RAP1GDS1: variants seen among roughly 807,000 people sequenced by gnomAD.
RAP1GDS1 encodes RAP1, GTP-GDP dissociation stimulator 1.
Under a neutral mutation model 71.1 loss-of-function variants are expected in RAP1GDS1, and 35 were observed. The ratio of observed to expected loss-of-function variants is 0.49; its 90% confidence interval spans 0.38 to 0.65. The LOEUF (loss-of-function observed/expected upper bound fraction) is 0.65, where lower values mean the gene tolerates loss of function less well. Ranked by LOEUF, RAP1GDS1 falls within the 30% of genes least tolerant of loss-of-function variation. The probability of loss-of-function intolerance (pLI) is 0.00; values close to 1 mark genes in which losing one functional copy is unlikely to be tolerated. For synonymous variants in RAP1GDS1, 229 were observed against 243.1 expected (o/e 0.94, Z 0.54); for missense variants, 663 against 706.1 (o/e 0.94, Z 0.69).
At chr4:98,438,434 C>T (rs1315568448) in intron 14 of RAP1GDS1, among the ~76,000 whole-genome samples, 1 of 151,130 alleles carries the variant, frequency 6.6e-6, no homozygotes, top group Non-Finnish European at 1.5e-5. Flanking sequence ...TGTATTTAGA[C>T]CATTTACATT....
chr4:98,278,911 A>C (rs1724626718), intron 1 of RAP1GDS1, among the ~76,000 whole-genome samples: 1 of 152,194 alleles, frequency 6.6e-6, no homozygotes, highest in Non-Finnish European at 1.5e-5. Context: ...CATTTTAAAA[A>C]GTCATCATAG....
At chr4:98,272,841 C>G (rs1025716269) in intron 1 of RAP1GDS1, among the ~76,000 whole-genome samples, 3 of 152,076 alleles carry the variant, frequency 2.0e-5, no homozygotes, top group African/African-American at 7.2e-5. Flanking sequence ...ACAATCTGAT[C>G]GAGAAATGGT....
At chr4:98,335,269 C>G (rs767473342) in intron 2 of RAP1GDS1, among the ~76,000 whole-genome samples, 15 of 152,172 alleles carry the variant, frequency 9.9e-5, no homozygotes, top group Non-Finnish European at 1.5e-5. Context: ...CTGTGTCCAT[C>G]AGGCTACAAG....
intron 2 of RAP1GDS1, among the ~76,000 whole-genome samples, chr4:98,331,080 A>G (rs1733938731): frequency 6.6e-6 from 1 of 152,194 alleles, no homozygotes. Flanking sequence ...CAGATACTCG[A>G]GGTCAGGAGC....
chr4:98,318,084 T>C (rs904597651), intron 2 of RAP1GDS1, among the ~76,000 whole-genome samples: 6 of 152,044 alleles, frequency 3.9e-5, no homozygotes, highest in African/African-American at 1.2e-4. Flanking sequence ...CTCAAGTGAT[T>C]TGCCCGCCTT....
chr4:98,321,092 G>C (rs937199724), intron 2 of RAP1GDS1, among the ~76,000 whole-genome samples: 1 of 146,298 alleles, frequency 6.8e-6, no homozygotes, highest in African/African-American at 2.5e-5. Context: ...TGATGGAGCT[G>C]AAAACCAAGG....
Position 98,361,460 on chromosome 4 carries a change from A to G in RAP1GDS1, c.361+8859A>G, listed in dbSNP as rs572278403. On this transcript the variant is annotated intron_variant, in intron 4 of 14. Transcript: ENST00000408927. ...AGATATTCAGTCTTTTGCTAATAAA[A>G]TGATACAGAAATATAAAAATATAGG... Among the ~76,000 whole-genome samples the G allele has an allele frequency of 1.1e-3, 172 of 152,306 alleles. 1 individual carries two copies. In the South Asian group the frequency reaches 0.018, roughly 16 times the overall value.
At chr4:98,348,130 AACAG>A (rs1211433767) in intron 3 of RAP1GDS1, among the ~76,000 whole-genome samples, 1 of 150,740 alleles carries the variant, frequency 6.6e-6, no homozygotes, top group Non-Finnish European at 1.5e-5. Context: ...CCCACCCCAC[AACAG>A]GCCCCGGTGT....
intron 2 of RAP1GDS1, among the ~76,000 whole-genome samples, chr4:98,297,524 C>T (rs1347644209): frequency 2.0e-5 from 3 of 152,098 alleles, no homozygotes; most frequent in Non-Finnish European, 2.9e-5. Context: ...ATTATTATAT[C>T]TACTTTGGTA....
Position 98,442,953 on chromosome 4 carries a change from A to C in RAP1GDS1, c.*836A>C. On this transcript the variant is annotated 3_prime_UTR_variant, in exon 15 of 15. Coordinates refer to ENST00000408927, the MANE Select transcript of RAP1GDS1 (RefSeq NM_001100427.2). ...GCATTATCCAGCACTTGTCTTTAAAATTCATTTGGCGCTTGTTTGTTTTCA... is the reference window on the plus strand; with the variant it reads ...GCATTATCCAGCACTTGTCTTTAAACTTCATTTGGCGCTTGTTTGTTTTCA... 4.9e-6 allele frequency: 1 copy of C among 204,986 alleles called. No homozygotes were observed. Among genetic ancestry groups the C allele is most frequent in the Non-Finnish European group, 9.6e-6 (1 of 104,264 alleles). The allele number at this position is 204,986 out of a possible 1,614,324, so 12.7% of individuals were successfully genotyped here.
At chr4:98,306,429 T>A (rs1729335572) in intron 2 of RAP1GDS1, among the ~76,000 whole-genome samples, 1 of 152,192 alleles carries the variant, frequency 6.6e-6, no homozygotes. Context: ...AAGCCTCTTT[T>A]ATAATGGCAT....
intron 14 of RAP1GDS1, chr4:98,441,352 G>A (rs1751841859): frequency 1.0e-6 from 1 of 984,672 alleles, no homozygotes. Flanking sequence ...AGAAAGAAGA[G>A]GACAAAAAAT....
At position 98,426,798 on chromosome 4, in the gene RAP1GDS1, T is replaced by C. The variant is rs1449883769; in HGVS notation, c.1440+5404T>C. Among the ~76,000 whole-genome samples the C allele has an allele frequency of 3.3e-5, 5 of 152,154 alleles. No homozygotes were observed. The East Asian group carries it at 5.8e-4, about 18-fold the overall frequency. ...TGAATTCCACCAGACATTCAAAGAA[T>C]AATTGGTACCAATCCTATTGACACT... On this transcript the variant is annotated intron_variant, in intron 12 of 14. Transcript: ENST00000408927.
intron 2 of RAP1GDS1, among the ~76,000 whole-genome samples, chr4:98,307,707 T>C (rs1472158687): frequency 6.6e-6 from 1 of 152,192 alleles, no homozygotes; most frequent in Non-Finnish European, 1.5e-5. Flanking sequence ...TCTTGATTTT[T>C]ATATTTTTGT....
intron 7 of RAP1GDS1, among the ~76,000 whole-genome samples, chr4:98,406,003 G>A (rs1578763352): frequency 6.6e-6 from 1 of 152,042 alleles, no homozygotes; most frequent in Non-Finnish European, 1.5e-5. Flanking sequence ...TTATCTGGAA[G>A]ACTCTGGTTA....
In RAP1GDS1 at chr4:98,424,923, G is replaced by A. The variant is rs191764942; in HGVS notation, c.1440+3529G>A. Among the ~76,000 whole-genome samples, 898 of 152,290 alleles carry A rather than the reference G, an allele frequency of 5.9e-3. 11 individuals are homozygous for A. The highest frequency in any genetic ancestry group is 0.021 in the African/African-American group (864 of 41,564). ...TTCATTGCAAAAAGATCATTGCCTAGGCATATTGTCATCAGGTTATCTAAA... is the reference window on the plus strand; with the variant it reads ...TTCATTGCAAAAAGATCATTGCCTAAGCATATTGTCATCAGGTTATCTAAA... On this transcript the variant is annotated intron_variant, in intron 12 of 14. Coordinates refer to ENST00000408927, the MANE Select transcript of RAP1GDS1 (RefSeq NM_001100427.2).
At chr4:98,383,724 A>G (rs1742329995) in intron 5 of RAP1GDS1, among the ~76,000 whole-genome samples, 2 of 151,586 alleles carry the variant, frequency 1.3e-5, no homozygotes, top group African/African-American at 4.8e-5. Context: ...ACTTCTCCCC[A>G]TATTAAAGAT....
At chr4:98,402,393 T>G (rs1476613526) in intron 6 of RAP1GDS1, among the ~76,000 whole-genome samples, 1 of 152,088 alleles carries the variant, frequency 6.6e-6, no homozygotes, top group Non-Finnish European at 1.5e-5. Flanking sequence ...TGAAACCTCC[T>G]TTTTGGGTGG....
At chr4:98,343,957 T>C (rs1735879745) in intron 3 of RAP1GDS1, among the ~76,000 whole-genome samples, 1 of 152,190 alleles carries the variant, frequency 6.6e-6, no homozygotes, top group Non-Finnish European at 1.5e-5. Flanking sequence ...TGCCTCAGTT[T>C]GTCAGTTTTA....
Sources: gnomAD v4.1 joint callset for allele counts (sites outside exome capture counted in the v4.1 genomes callset) on GRCh38, gnomAD v4.1.1 for gene constraint, MANE v1.5 for transcripts, NCBI Gene and HGNC (gene_info 2026-07-23, HGNC 2026-07-21) for gene names.